The following MOSMO variants were observed in gnomAD, a reference collection of about 807,000 sequenced individuals.
MOSMO encodes the protein modulator of smoothened.
MOSMO carries 5 observed loss-of-function variants against 18.4 expected under a neutral mutation model. The observed-to-expected ratio is 0.27, with a 90% CI of 0.14 to 0.57. The LOEUF is 0.57. Ranked by LOEUF, MOSMO falls within the 20% of genes least tolerant of loss-of-function variation. The pLI, the probability that MOSMO is intolerant of heterozygous loss-of-function variation, is 0.92. For synonymous variants in MOSMO, 82 were observed against 82.3 expected, an observed-to-expected ratio of 1.00 and a Z score of 0.02; for missense variants, 138 against 211.8, an observed-to-expected ratio of 0.65 and a Z score of 2.16.
chr16:22,012,127 T>C (rs1280795070), intron 1 of MOSMO, among the ~76,000 whole-genome samples: 2 of 152,200 alleles, frequency 1.3e-5, no homozygotes, highest in African/African-American at 4.8e-5. Flanking sequence ...AAAGTTTTGA[T>C]TGTGATGTTT....
At chr16:22,059,065 CCTCT>C (rs1372120682) in intron 1 of MOSMO, among the ~76,000 whole-genome samples, 1 of 151,802 alleles carries the variant, frequency 6.6e-6, no homozygotes, top group Non-Finnish European at 1.5e-5. Context: ...ATGTAGTAAC[CCTCT>C]CTCTCTCGCC....
At chr16:22,031,028 A>G (rs939299995) in intron 1 of MOSMO, among the ~76,000 whole-genome samples, 6 of 152,244 alleles carry the variant, frequency 3.9e-5, no homozygotes, top group Non-Finnish European at 5.9e-5. Context: ...GAGTGCTAAA[A>G]TAGTAGTTAA....
chr16:22,071,009 C>A (rs1412579169), intron 1 of MOSMO, among the ~76,000 whole-genome samples: 1 of 152,192 alleles, frequency 6.6e-6, no homozygotes, highest in East Asian at 1.9e-4. Flanking sequence ...TGGGATACTA[C>A]CCCTCGCTCA....
chr16:22,055,444 T>C (rs1900513541), intron 1 of MOSMO, among the ~76,000 whole-genome samples: 1 of 152,228 alleles, frequency 6.6e-6, no homozygotes, highest in Non-Finnish European at 1.5e-5. Flanking sequence ...AGTTTCATTT[T>C]ATGTTACACC....
At chr16:22,030,718 G>A (rs149498909) in intron 1 of MOSMO, among the ~76,000 whole-genome samples, 79 of 152,228 alleles carry the variant, frequency 5.2e-4, no homozygotes, top group African/African-American at 1.8e-3. Flanking sequence ...TAGTAGAGAC[G>A]GAGTTTTGCC....
chr16:22,030,228 T>C (rs1232110402), intron 1 of MOSMO, among the ~76,000 whole-genome samples: 1 of 152,180 alleles, frequency 6.6e-6, no homozygotes, highest in Non-Finnish European at 1.5e-5. Context: ...CTTAGTACTC[T>C]CTGGGGTCTG....
chr16:22,055,472 A>G (rs1430147795), intron 1 of MOSMO, among the ~76,000 whole-genome samples: 1 of 152,220 alleles, frequency 6.6e-6, no homozygotes, highest in South Asian at 2.1e-4. Flanking sequence ...TTACAGTACC[A>G]CAACAGGATT....
chr16:22,011,932 T>TAA (rs535652740), intron 1 of MOSMO, among the ~76,000 whole-genome samples: 66,528 of 120,186 alleles, frequency 0.55, 22,636 homozygotes, highest in Non-Finnish European at 0.76. Flanking sequence ...AGTCCTGAGT[T>TAA]AAAAAAAAAA....
chr16:22,081,459 A>G lies in MOSMO; in HGVS notation c.*579A>G, dbSNP rs1215915772. The stretch of plus-strand genomic sequence containing the variant: ...GATCAAAACTTGTTTGCTAAAATGT[A>G]TGTAAAAATTCTGAAATTCCCTCTC... On this transcript the variant is annotated 3_prime_UTR_variant, in exon 3 of 3. Coordinates refer to ENST00000542527, the MANE Select transcript of MOSMO (RefSeq NM_001164579.2). 6.8e-6 allele frequency: 1 copy of G among 147,840 alleles called. No homozygotes were observed. Among genetic ancestry groups the G allele is most frequent in the Non-Finnish European group, 1.5e-5 (1 of 67,276 alleles). The allele number at this position is 147,840 out of a possible 1,614,324, so 9.2% of individuals were successfully genotyped here.
chr16:22,073,383 C>A (rs1298339735), intron 1 of MOSMO, among the ~76,000 whole-genome samples: 1 of 152,048 alleles, frequency 6.6e-6, no homozygotes, highest in Non-Finnish European at 1.5e-5. Flanking sequence ...GCAGTTACAT[C>A]TTTTATAAAT....
At chr16:22,071,283 G>T (rs1434260476) in intron 1 of MOSMO, among the ~76,000 whole-genome samples, 1 of 152,186 alleles carries the variant, frequency 6.6e-6, no homozygotes, top group Non-Finnish European at 1.5e-5. Context: ...CAGGGAGATG[G>T]AAGAAGATAA....
intron 1 of MOSMO, among the ~76,000 whole-genome samples, chr16:22,048,482 T>C (rs1252548385): frequency 6.6e-6 from 1 of 152,220 alleles, no homozygotes; most frequent in Non-Finnish European, 1.5e-5. Flanking sequence ...TATAAATCTT[T>C]TTAGCTTTTG....
rs549557963 is a variant in MOSMO, at chr16:22,031,519, C to T, written c.106+23112C>T. Among the ~76,000 whole-genome samples the T allele has an allele frequency of 2.6e-5, 4 of 152,170 alleles. No homozygotes were observed. In the South Asian group the frequency reaches 6.2e-4, roughly 24 times the overall value. The stretch of plus-strand genomic sequence containing the variant: ...AAGAAAACCTGTACCTTTTAGCTAG[C>T]ACCCCTCCAACTACCCTAGTCCTAA... On this transcript the variant is annotated intron_variant, in intron 1 of 2. Coordinates refer to ENST00000542527, the MANE Select transcript of MOSMO (RefSeq NM_001164579.2).
At position 22,080,913 on chromosome 16, in the gene MOSMO, T is replaced by C; in HGVS notation, c.*33T>C. On this transcript the variant is annotated 3_prime_UTR_variant, in exon 3 of 3. Transcript: ENST00000542527. ...CTAAATTGCTTGACTCTTATTATTT[T>C]TTATTTTATTTTATTTTTTTATTTT... 6 of 1,049,966 alleles carry C rather than the reference T, an allele frequency of 5.7e-6. No homozygotes were observed. The highest frequency in any genetic ancestry group is 6.2e-6 in the Non-Finnish European group (5 of 801,316). 65.0% of individuals were successfully genotyped at this position (1,049,966 alleles called of 1,614,324 possible).
intron 1 of MOSMO, among the ~76,000 whole-genome samples, chr16:22,021,485 A>G (rs1400615232): frequency 1.3e-5 from 2 of 152,120 alleles, no homozygotes; most frequent in African/African-American, 2.4e-5. Context: ...TTAAATTCTT[A>G]GGAAAGTATT....
intron 1 of MOSMO, among the ~76,000 whole-genome samples, chr16:22,049,172 A>C (rs1900374673): frequency 6.6e-6 from 1 of 152,112 alleles, no homozygotes; most frequent in African/African-American, 2.4e-5. Context: ...TGCCACGTTA[A>C]TAGTCAAAAT....
chr16:22,077,249 T>G (rs1425925070), intron 2 of MOSMO, among the ~76,000 whole-genome samples: 1 of 152,162 alleles, frequency 6.6e-6, no homozygotes, highest in Non-Finnish European at 1.5e-5. Context: ...CGTTATATGC[T>G]CTCATGAGCT....
Position 22,008,356 on chromosome 16 carries a change from G to A in MOSMO, c.55G>A (p.Ala19Thr), listed in dbSNP as rs770601867. The change falls in exon 1 of 3, where the codon GCC becomes ACC. Residue 19 changes from alanine (A) to threonine (T), a missense_variant. Ala to Thr is a moderately conservative substitution (Grantham distance 58). Transcript: ENST00000542527. ...GCLFLAADIF[A>T]IASIANPDWI... ...TCTCTTTCTGGCCGCCGATATCTTCGCCATCGCCAGCATCGCCAACCCGGA... is the reference window on the plus strand; with the variant it reads ...TCTCTTTCTGGCCGCCGATATCTTCACCATCGCCAGCATCGCCAACCCGGA... 6.5e-7 allele frequency: 1 copy of A among 1,533,850 alleles called. No homozygotes were observed. Among genetic ancestry groups the A allele is most frequent in the South Asian group, 1.2e-5 (1 of 83,896 alleles).
intron 1 of MOSMO, among the ~76,000 whole-genome samples, chr16:22,043,891 T>C (rs1330463836): frequency 1.3e-5 from 2 of 152,176 alleles, no homozygotes; most frequent in Non-Finnish European, 2.9e-5. Context: ...CTGGGTAATT[T>C]ATAAAGAAAA....
Sources: allele counts gnomAD v4.1 joint callset (sites outside exome capture counted in the v4.1 genomes callset), GRCh38; gene constraint gnomAD v4.1.1; transcripts MANE v1.5; gene names NCBI Gene and HGNC (gene_info 2026-07-23, HGNC 2026-07-21).